The following RFC2 variants were observed in gnomAD, a reference collection of about 807,000 sequenced individuals.
The protein encoded by RFC2 is replication factor C subunit 2.
A neutral mutation model predicts 44.8 loss-of-function variants in RFC2; 34 were observed. The observed-to-expected ratio is 0.76, with a 90% CI of 0.58 to 1.01. The LOEUF (loss-of-function observed/expected upper bound fraction) is 1.01. RFC2 is among the 50% of genes least tolerant of loss of function. The pLI is 0.00. For missense variants in RFC2, 400 were observed against 453.6 expected, an observed-to-expected ratio of 0.88 and a Z score of 1.07; for synonymous variants, 177 against 168.9, an observed-to-expected ratio of 1.05 and a Z score of -0.37.
chr7:74,235,724 G>C, intron 9 of RFC2, 79 bp from the exon 10 acceptor site: 1 of 948,292 alleles, frequency 1.1e-6, no homozygotes, highest in Non-Finnish European at 1.7e-6. Context: ...CACCACAGCT[G>C]GTGGGGCCCA....
At chr7:74,245,636 C>T (rs1803560455) in intron 5 of RFC2, among the ~76,000 whole-genome samples, 1 of 150,072 alleles carries the variant, frequency 6.7e-6, no homozygotes, top group African/African-American at 2.5e-5. Context: ...TGGCGTGAAC[C>T]CAGAAGGTGG....
chr7:74,239,060 G>A (rs1387365539), intron 7 of RFC2, 72 bp from the exon 8 acceptor site: 21 of 1,240,338 alleles, frequency 1.7e-5, no homozygotes, highest in East Asian at 2.5e-5. Context: ...CAGGAGTCTC[G>A]CTATGTTGCC....
intron 5 of RFC2, among the ~76,000 whole-genome samples, chr7:74,246,265 G>A (rs183214937): frequency 0.019 from 2,822 of 151,748 alleles, 57 homozygotes; most frequent in Middle Eastern, 0.037. Flanking sequence ...CGGGTGTGGC[G>A]GCAGATGCCT....
Position 74,238,945 on chromosome 7 carries a change from A to G in RFC2, c.737T>C (p.Ile246Thr). ...LQSTFSGFGF[I>T]NSENVFKVCD... ...TACCTTGAACACGTTCTCACTGTTA[A>G]TGAAGCCAAATCCTGAGAAGGTGGA... Residue 246 changes from isoleucine (I) to threonine (T), a missense_variant, in exon 8 of 11, where the codon ATT becomes ACT. Physicochemically the swap from Ile to Thr is moderately conservative, Grantham distance 89. Coordinates refer to ENST00000055077, the MANE Select transcript of RFC2 (RefSeq NM_181471.3). This position sits in a 1 kb window ranked among gnomAD's most constrained non-coding sequence, Gnocchi z 4.0. 2 of 1,614,060 alleles carry G rather than the reference A, an allele frequency of 1.2e-6. No homozygotes were observed. Among genetic ancestry groups the G allele is most frequent in the Non-Finnish European group, 1.7e-6 (2 of 1,179,926 alleles).
intron 6 of RFC2, 91 bp from the exon 7 acceptor site, chr7:74,240,186 C>T (rs1554719066): frequency 4.2e-6 from 5 of 1,180,696 alleles, no homozygotes; most frequent in Non-Finnish European, 6.1e-6. Context: ...GCTGCACAAT[C>T]CACACAGCCC....
intron 10 of RFC2, among the ~76,000 whole-genome samples, chr7:74,232,663 G>A (rs1460570982): frequency 1.3e-5 from 2 of 152,152 alleles, no homozygotes; most frequent in African/African-American, 2.4e-5. Flanking sequence ...CCAGGAGTTC[G>A]AGATCAGCCT....
chr7:74,243,802 A>G (rs1191825215), intron 5 of RFC2, among the ~76,000 whole-genome samples: 1 of 150,788 alleles, frequency 6.6e-6, no homozygotes, highest in African/African-American at 2.4e-5. Flanking sequence ...TTCTACAAAA[A>G]ATTTTAAAAA....
chr7:74,235,182 G>A (rs1182264571), intron 10 of RFC2, among the ~76,000 whole-genome samples: 1 of 152,146 alleles, frequency 6.6e-6, no homozygotes, highest in African/African-American at 2.4e-5. Flanking sequence ...GATTATAGGC[G>A]CTTGCCACCA....
intron 5 of RFC2, among the ~76,000 whole-genome samples, chr7:74,244,616 G>A (rs1028955750): frequency 1.3e-5 from 2 of 151,530 alleles, no homozygotes; most frequent in Non-Finnish European, 1.5e-5. Context: ...CAATCTGCCC[G>A]CCTCGGCCTC....
chr7:74,240,041 T>G lies in RFC2; in HGVS notation c.590A>C (p.Gln197Pro). 1 of 1,614,092 alleles carries G rather than the reference T, an allele frequency of 6.2e-7. No individual in the cohort carries two copies. The highest frequency in any genetic ancestry group is 8.5e-7 in the Non-Finnish European group (1 of 1,179,958). Residue 197 changes from glutamine to proline, a missense_variant, in exon 7 of 11, where the codon CAG becomes CCG. Transcript: ENST00000055077. ...VLRYTKLTDAQILTRLMNVIE... is the reference protein window; with the variant it reads ...VLRYTKLTDAPILTRLMNVIE... The stretch of plus-strand genomic sequence containing the variant: ...AACATTCATCAGCCTGGTGAGGATC[T>G]GGGCGTCGGTCAGCTTTGTGTACCG...
chr7:74,239,830 CTCTT>C, intron 7 of RFC2, 104 bp downstream of exon 7: 1 of 1,092,556 alleles, frequency 9.2e-7, no homozygotes, highest in East Asian at 2.6e-5. Context: ...AGGTCTCTGT[CTCTT>C]TCTCTTGTTG....
chr7:74,239,945 A>T lies in RFC2; in HGVS notation c.686T>A (p.Met229Lys). The change falls in exon 7 of 11, where the codon ATG becomes AAG. Residue 229 changes from methionine to lysine, a missense_variant. Coordinates refer to ENST00000055077, the MANE Select transcript of RFC2 (RefSeq NM_181471.3). ...EAIIFTAQGD[M>K]RQALNNLQST... ...TGGTAGCAGCCCACATACCTGCCTC[A>T]TGTCTCCCTGGGCCGTGAAGATGAT... The T allele has an allele frequency of 6.2e-7, 1 of 1,604,876 alleles. No homozygotes were observed. Among genetic ancestry groups the T allele is most frequent in the Non-Finnish European group, 8.5e-7 (1 of 1,175,612 alleles).
chr7:74,247,289 C>A (rs1343990213), intron 4 of RFC2, among the ~76,000 whole-genome samples: 6 of 152,072 alleles, frequency 3.9e-5, no homozygotes, highest in Non-Finnish European at 8.8e-5. Context: ...CTACCCACAA[C>A]AGGAAAGAGA....
Position 74,251,825 on chromosome 7 carries a change from C to T in RFC2, c.183+604G>A, listed in dbSNP as rs1307598570. Among the ~76,000 whole-genome samples the T allele has an allele frequency of 2.5e-3, 263 of 106,418 alleles. 3 individuals carry two copies. The highest frequency in any genetic ancestry group is 1.1e-3 in the Admixed American group (11 of 9,808). The allele number at this position is 106,418 out of a possible 152,430, so 69.8% of individuals were successfully genotyped here. ...AAAAAAAAAAAAAAAAGGCCGGGCGCGGTGGTTCACGCCTGTAATCCCAGC... is the reference window on the plus strand; with the variant it reads ...AAAAAAAAAAAAAAAAGGCCGGGCGTGGTGGTTCACGCCTGTAATCCCAGC... On this transcript the variant is annotated intron_variant, in intron 2 of 10. Transcript: ENST00000055077.
chr7:74,252,313 A>T, intron 2 of RFC2, 116 bp downstream of exon 2: 1 of 602,068 alleles, frequency 1.7e-6, no homozygotes, highest in Non-Finnish European at 3.0e-6. Context: ...AGGCTGAGGC[A>T]GGAGAATGGC....
Position 74,254,389 on chromosome 7 carries a change from C to T in RFC2, c.-6G>A, listed in dbSNP as rs1007025225. 3 of 1,583,218 alleles carry T rather than the reference C, an allele frequency of 1.9e-6. No homozygotes were observed. Among genetic ancestry groups the T allele is most frequent in the African/African-American group, 2.7e-5 (2 of 73,844 alleles). On this transcript the variant is annotated 5_prime_UTR_variant, in exon 1 of 11. Coordinates refer to ENST00000055077, the MANE Select transcript of RFC2 (RefSeq NM_181471.3). Reference sequence around the variant, plus strand: ...CAGACGGCCTCCACCTCCATTCTCGCGCCTCCTCTTCCCGCCACCCGAGGC... The same window carrying T: ...CAGACGGCCTCCACCTCCATTCTCGTGCCTCCTCTTCCCGCCACCCGAGGC...
At chr7:74,243,926 T>C (rs782232160) in intron 5 of RFC2, among the ~76,000 whole-genome samples, 16 of 150,918 alleles carry the variant, frequency 1.1e-4, no homozygotes, top group Non-Finnish European at 1.8e-4. Flanking sequence ...TGTGTAAACA[T>C]TGATAGTATA....
intron 10 of RFC2, among the ~76,000 whole-genome samples, chr7:74,233,601 T>G (rs1386704918): frequency 1.7e-4 from 26 of 149,406 alleles, no homozygotes; most frequent in Non-Finnish European, 3.7e-4. Flanking sequence ...ATTGGTTTTT[T>G]TTTTTTTTTT....
chr7:74,233,400 CAGTA>C (rs1802834335), intron 10 of RFC2, among the ~76,000 whole-genome samples: 3 of 151,872 alleles, frequency 2.0e-5, no homozygotes, highest in Admixed American at 2.0e-4. Flanking sequence ...ACAAAAAATA[CAGTA>C]CAATTAAAAT....
Sources: gnomAD v4.1 joint callset for allele counts (sites outside exome capture counted in the v4.1 genomes callset) on GRCh38, gnomAD v4.1.1 for gene constraint, Gnocchi (gnomAD v3.1) non-coding constraint, MANE v1.5 for transcripts, NCBI Gene and HGNC (gene_info 2026-07-23, HGNC 2026-07-21) for gene names.